The following ADAM22 variants were observed in gnomAD, a reference collection of about 807,000 sequenced individuals.
The protein encoded by ADAM22 is disintegrin and metalloproteinase domain-containing protein 22.
In ADAM22, 65 loss-of-function variants were observed where a neutral mutation model predicts 144.6. The ratio of observed to expected loss-of-function variants is 0.45; its 90% confidence interval spans 0.37 to 0.55. ADAM22 has a LOEUF of 0.55. Among genes scored for constraint, ADAM22 ranks in the 20% least tolerant of loss-of-function variants. The probability of loss-of-function intolerance (pLI) is 0.00; values close to 1 mark genes in which losing one functional copy is unlikely to be tolerated. For missense variants in ADAM22, 974 were observed against 1,184.9 expected, an observed-to-expected ratio of 0.82 and a Z score of 2.61; for synonymous variants, 391 against 412.6, an observed-to-expected ratio of 0.95 and a Z score of 0.63.
At chr7:87,998,570 T>C (rs1000760055) in intron 3 of ADAM22, among the ~76,000 whole-genome samples, 2 of 152,098 alleles carry the variant, frequency 1.3e-5, no homozygotes, top group Non-Finnish European at 2.9e-5. Context: ...TTTGTGTTTT[T>C]AGTAGAGGCC....
At chr7:88,062,549 T>C (rs1268350728) in intron 3 of ADAM22, among the ~76,000 whole-genome samples, 3 of 152,364 alleles carry the variant, frequency 2.0e-5, no homozygotes, top group African/African-American at 7.2e-5. Flanking sequence ...TTTCTTCATA[T>C]CAGCAATAAG....
At chr7:88,128,178 C>T (rs1354429969) in intron 8 of ADAM22, among the ~76,000 whole-genome samples, 1 of 151,966 alleles carries the variant, frequency 6.6e-6, no homozygotes, top group Admixed American at 6.6e-5. Flanking sequence ...AAAGAATGCT[C>T]TTCATATGTT....
chr7:88,022,671 A>G (rs1387936885), intron 3 of ADAM22, among the ~76,000 whole-genome samples: 2 of 152,198 alleles, frequency 1.3e-5, no homozygotes, highest in African/African-American at 2.4e-5. Flanking sequence ...GAATTAAACT[A>G]CTACACTCAT....
intron 3 of ADAM22, among the ~76,000 whole-genome samples, chr7:88,017,692 C>T (rs536168335): frequency 1.2e-4 from 18 of 151,976 alleles, no homozygotes; most frequent in Admixed American, 4.6e-4. Flanking sequence ...CTAGTTTCTA[C>T]GTCCATCTCC....
At chr7:88,064,858 C>T (rs1026392757) in intron 3 of ADAM22, among the ~76,000 whole-genome samples, 1 of 152,034 alleles carries the variant, frequency 6.6e-6, no homozygotes, top group African/African-American at 2.4e-5. Flanking sequence ...ACCTACTTAG[C>T]ATGTTGTTAT....
Position 88,176,048 on chromosome 7 carries a change from C to G in ADAM22, c.2301-2887C>G, listed in dbSNP as rs560743893. 7.2e-5 allele frequency among the ~76,000 whole-genome samples: 11 copies of G among 152,276 alleles called. No individual in the cohort carries two copies. The East Asian group carries it at 2.1e-3, about 29-fold the overall frequency. On this transcript the variant is annotated intron_variant, in intron 26 of 31. Coordinates refer to ENST00000413139, the MANE Select transcript of ADAM22 (RefSeq NM_001324418.2). ...AGTGCAGTGGCGCGATCTCGGCTCACTGCAACCTCCGCCTCCCAGGTTCAA... is the reference window on the plus strand; with the variant it reads ...AGTGCAGTGGCGCGATCTCGGCTCAGTGCAACCTCCGCCTCCCAGGTTCAA...
intron 24 of ADAM22, among the ~76,000 whole-genome samples, chr7:88,166,409 TG>T (rs1275153499): frequency 6.6e-6 from 1 of 152,176 alleles, no homozygotes; most frequent in East Asian, 1.9e-4. Context: ...TTAGTAATCC[TG>T]GCCAAGGTTC....
intron 5 of ADAM22, among the ~76,000 whole-genome samples, chr7:88,110,640 TTTTTC>T (rs966692231): frequency 1.3e-5 from 2 of 150,838 alleles, no homozygotes; most frequent in African/African-American, 4.9e-5. Flanking sequence ...CCACTTTTCT[TTTTTC>T]TTTTCTTTTC....
At chr7:88,151,127 G>T (rs1838224085) in intron 19 of ADAM22, 96 bp downstream of exon 19, 4 of 1,520,552 alleles carry the variant, frequency 2.6e-6, no homozygotes, top group South Asian at 1.1e-5. Context: ...TTAAATGTTT[G>T]TAATCAATTC....
At chr7:88,162,589 T>C (rs943994652) in intron 22 of ADAM22, among the ~76,000 whole-genome samples, 3 of 152,090 alleles carry the variant, frequency 2.0e-5, no homozygotes, top group African/African-American at 7.2e-5. Context: ...TTAAAAAACA[T>C]TTCTAAATAA....
intron 12 of ADAM22, among the ~76,000 whole-genome samples, chr7:88,133,392 A>C (rs1832273181): frequency 6.6e-6 from 1 of 150,736 alleles, no homozygotes; most frequent in South Asian, 2.1e-4. Context: ...ATAAATAAAT[A>C]AATAAATAAA....
chr7:88,052,029 A>G (rs936079995), intron 3 of ADAM22, among the ~76,000 whole-genome samples: 2 of 152,112 alleles, frequency 1.3e-5, no homozygotes, highest in African/African-American at 4.8e-5. Context: ...TTGCTAATTG[A>G]ATTTATCCAA....
intron 26 of ADAM22, among the ~76,000 whole-genome samples, chr7:88,173,021 TATGAAA>T (rs1844738712): frequency 6.6e-6 from 1 of 152,016 alleles, no homozygotes; most frequent in Admixed American, 6.6e-5. Context: ...TTGCTGAATA[TATGAAA>T]ATGAAAGTGA....
In ADAM22 at chr7:87,950,913, G is replaced by GT. The variant is rs1369079241; in HGVS notation, c.246+15733dup. On this transcript the variant is annotated intron_variant, in intron 2 of 31. Coordinates refer to ENST00000413139, the MANE Select transcript of ADAM22 (RefSeq NM_001324418.2). ...AGTGATGATGAGCATTTTTTCATGT[G>GT]TTTTTTGGCTGCATAAATGTCTTCT... Among the ~76,000 whole-genome samples, 4 of 151,734 alleles carry GT rather than the reference G, an allele frequency of 2.6e-5. No individual in the cohort carries two copies. In the East Asian group the frequency reaches 7.7e-4, roughly 29 times the overall value.
intron 31 of ADAM22, among the ~76,000 whole-genome samples, chr7:88,194,683 T>C (rs1563445550): frequency 6.6e-6 from 1 of 152,186 alleles, no homozygotes; most frequent in Non-Finnish European, 1.5e-5. Flanking sequence ...CTGTCACATA[T>C]TATTTTTAAT....
chr7:87,974,314 A>T (rs1272374818), intron 2 of ADAM22, among the ~76,000 whole-genome samples: 1 of 151,058 alleles, frequency 6.6e-6, no homozygotes, highest in Non-Finnish European at 1.5e-5. Flanking sequence ...AAAAAAAAAA[A>T]AAAAGAAAAA....
rs1836000919 is a variant in ADAM22 at position 88,145,208 on chromosome 7, G to C, written c.1392+12G>C. On this transcript the variant is annotated intron_variant, in intron 16 of 31. Coordinates refer to ENST00000413139, the MANE Select transcript of ADAM22 (RefSeq NM_001324418.2). ...GTGGAACCCCGGCCGTAAGTCTCTG[G>C]TTGTTTTGATGATATTTTCTAGGTA... 1 of 1,613,182 alleles carries C rather than the reference G, an allele frequency of 6.2e-7. No individual in the cohort carries two copies. Among genetic ancestry groups the C allele is most frequent in the Non-Finnish European group, 8.5e-7 (1 of 1,179,646 alleles).
chr7:88,064,376 G>T (rs192443397), intron 3 of ADAM22, among the ~76,000 whole-genome samples: 1 of 152,122 alleles, frequency 6.6e-6, no homozygotes, highest in Admixed American at 6.6e-5. Context: ...ACTACTAACC[G>T]CATACCCTTG....
Position 88,139,828 on chromosome 7 carries a change from G to C in ADAM22, c.1221-3198G>C, listed in dbSNP as rs554126357. ...TGAGGTGGTGCTGGGAGGCATGATC[G>C]GACTGGATGCCAGAGCTCAATCTGA... On this transcript the variant is annotated intron_variant, in intron 14 of 31. Transcript: ENST00000413139. Among the ~76,000 whole-genome samples the C allele has an allele frequency of 1.4e-3, 208 of 152,204 alleles. 2 individuals carry two copies. The highest frequency in any genetic ancestry group is 4.8e-3 in the African/African-American group (199 of 41,540).
Sources: allele counts gnomAD v4.1 joint callset (sites outside exome capture counted in the v4.1 genomes callset), GRCh38; gene constraint gnomAD v4.1.1; transcripts MANE v1.5; gene names NCBI Gene and HGNC (gene_info 2026-07-23, HGNC 2026-07-21).